Variants in PARPBP observed in about 807,000 individuals in gnomAD.
PARPBP encodes the protein PARP1 binding protein.
A neutral mutation model predicts 50.0 loss-of-function variants in PARPBP; 52 were observed. That is an observed-to-expected ratio of 1.04 (90% CI 0.83 to 1.31). PARPBP has a LOEUF of 1.31. Ranked by LOEUF, PARPBP falls within the 50% of genes most tolerant of loss-of-function variation. PARPBP has a pLI of 0.00. For synonymous variants in PARPBP, 244 were observed against 232.1 expected, an observed-to-expected ratio of 1.05 and a Z score of -0.47; for missense variants, 697 against 672.0, an observed-to-expected ratio of 1.04 and a Z score of -0.41.
chr12:102,191,249 A>G (rs926886557), intron 9 of PARPBP, among the ~76,000 whole-genome samples: 1 of 152,198 alleles, frequency 6.6e-6, no homozygotes, highest in African/African-American at 2.4e-5. Flanking sequence ...AAGGCATGAC[A>G]ATTATGATGT....
intron 6 of PARPBP, among the ~76,000 whole-genome samples, chr12:102,168,122 C>G (rs1888333124): frequency 6.6e-6 from 1 of 152,074 alleles, no homozygotes; most frequent in Admixed American, 6.6e-5. Flanking sequence ...CTGTTGTTTC[C>G]TCTCTCATTC....
chr12:102,155,500 A>G (rs894598044), intron 4 of PARPBP, among the ~76,000 whole-genome samples: 2 of 149,944 alleles, frequency 1.3e-5, no homozygotes, highest in African/African-American at 4.9e-5. Context: ...CTCACACTCA[A>G]CCAATCAGGT....
chr12:102,134,988 T>C (rs988440070), intron 2 of PARPBP, among the ~76,000 whole-genome samples: 24 of 152,180 alleles, frequency 1.6e-4, no homozygotes, highest in African/African-American at 5.5e-4. Flanking sequence ...TCTTTCTTAT[T>C]TGGAATATTT....
rs758548998 is a variant in PARPBP at position 102,197,087 on chromosome 12, C to T, written c.*796C>T. ...ACTCCATTCTCAGCTGGGAAAGCTA[C>T]AGATCCTTTTAGTGCAAGATAAGGT... On this transcript the variant is annotated 3_prime_UTR_variant, in exon 11 of 11. Transcript: ENST00000327680. 1.9e-6 allele frequency: 3 copies of T among 1,612,040 alleles called. No homozygotes were observed. The highest frequency in any genetic ancestry group is 1.1e-5 in the South Asian group (1 of 91,028).
intron 2 of PARPBP, among the ~76,000 whole-genome samples, chr12:102,131,898 C>T (rs1882909585): frequency 6.6e-6 from 1 of 152,024 alleles, no homozygotes; most frequent in Non-Finnish European, 1.5e-5. Flanking sequence ...TGGCTTAATA[C>T]CGGGGTGACA....
chr12:102,121,542 G>GCC (rs1881083115), intron 1 of PARPBP, among the ~76,000 whole-genome samples: 1 of 129,696 alleles, frequency 7.7e-6, no homozygotes, highest in South Asian at 2.5e-4. Context: ...CCATAGTAAT[G>GCC]CTCTTTTTTT....
In PARPBP at chr12:102,189,597, A is replaced by T. The variant is rs186703024; in HGVS notation, c.1264-5715A>T. Among the ~76,000 whole-genome samples, 106 of 152,322 alleles carry T rather than the reference A, an allele frequency of 7.0e-4. No individual in the cohort carries two copies. In the Middle Eastern group the frequency reaches 0.014, roughly 20 times the overall value. On this transcript the variant is annotated intron_variant, in intron 9 of 10. Coordinates refer to ENST00000327680, the MANE Select transcript of PARPBP (RefSeq NM_017915.5). ...GAGACCCATATTAAGTGGAGGAAATAATAAGAGATGAGAATAAATAGGATT... is the reference window on the plus strand; with the variant it reads ...GAGACCCATATTAAGTGGAGGAAATTATAAGAGATGAGAATAAATAGGATT...
At chr12:102,184,927 A>G (rs1890170307) in intron 9 of PARPBP, among the ~76,000 whole-genome samples, 1 of 148,972 alleles carries the variant, frequency 6.7e-6, no homozygotes, top group Admixed American at 6.7e-5. Flanking sequence ...TTTTAGTCAC[A>G]GAAATAATAT....
Position 102,197,167 on chromosome 12 carries a change from GTGT to G in PARPBP, c.*878_*880del. Reference sequence around the variant, plus strand: ...ATTTAAGAAATTATGTTTGGAGCCTGTGTTCTGTAAAGAGAAGGTTGATTTGGT... The same window carrying G: ...ATTTAAGAAATTATGTTTGGAGCCTGTCTGTAAAGAGAAGGTTGATTTGGT... On this transcript the variant is annotated 3_prime_UTR_variant, in exon 11 of 11. Transcript: ENST00000327680. 1 of 1,610,560 alleles carries G rather than the reference GTGT, an allele frequency of 6.2e-7. No homozygotes were observed. Among genetic ancestry groups the G allele is most frequent in the Middle Eastern group, 1.7e-4 (1 of 6,050 alleles).
chr12:102,164,457 A>G lies in PARPBP; in HGVS notation c.515A>G (p.Lys172Arg). Residue 172 changes from lysine (K) to arginine (R), a missense_variant, in exon 5 of 11, where the codon AAA becomes AGA. Lys to Arg is a conservative substitution (Grantham distance 26). Transcript: ENST00000327680. The stretch of plus-strand genomic sequence containing the variant: ...GCACAGGTGCAGCTGCTAGCAAGGA[A>G]AATTATCTTTTCATATTTAAATCTG... ...DNEKVQLLAR[K>R]IIFSYLNLLV... The G allele has an allele frequency of 6.2e-7, 1 of 1,612,534 alleles. No homozygotes were observed. Among genetic ancestry groups the G allele is most frequent in the Non-Finnish European group, 8.5e-7 (1 of 1,178,888 alleles).
At chr12:102,137,660 C>A (rs180760771) in intron 2 of PARPBP, among the ~76,000 whole-genome samples, 2 of 152,048 alleles carry the variant, frequency 1.3e-5, no homozygotes, top group African/African-American at 4.8e-5. Flanking sequence ...CCCGCTCCCC[C>A]CACCCCACGA....
intron 4 of PARPBP, among the ~76,000 whole-genome samples, chr12:102,159,999 A>G (rs1457430215): frequency 2.0e-5 from 3 of 152,234 alleles, no homozygotes; most frequent in African/African-American, 4.8e-5. Context: ...TAAACAGAAC[A>G]GTATCCTTAT....
chr12:102,143,645 A>G (rs1884966630), intron 2 of PARPBP, among the ~76,000 whole-genome samples: 2 of 152,298 alleles, frequency 1.3e-5, no homozygotes, highest in African/African-American at 4.8e-5. Context: ...TTATAGATTC[A>G]TTGAGGACTT....
Position 102,182,592 on chromosome 12 carries a change from C to G in PARPBP, c.1228C>G (p.Arg410Gly), listed in dbSNP as rs747001759. 1 of 1,610,962 alleles carries G rather than the reference C, an allele frequency of 6.2e-7. No homozygotes were observed. Among genetic ancestry groups the G allele is most frequent in the Non-Finnish European group, 8.5e-7 (1 of 1,178,580 alleles). ...TAATTCGATAAAACCCCTAAGAGAA[C>G]GCATCTGTGTGTCAATGCAAGAGAA... ...VNNSIKPLRE[R>G]ICVSMQEKKI... The change falls in exon 9 of 11, where the codon CGC (arginine) becomes GGC (glycine). Residue 410 changes from arginine (R) to glycine (G), a missense_variant. Coordinates refer to ENST00000327680, the MANE Select transcript of PARPBP (RefSeq NM_017915.5).
chr12:102,197,485 T>G lies in PARPBP; in HGVS notation c.*1194T>G. On this transcript the variant is annotated 3_prime_UTR_variant, in exon 11 of 11. Coordinates refer to ENST00000327680, the MANE Select transcript of PARPBP (RefSeq NM_017915.5). ...AGGATTTGTAAGAATCATTTAAATT[T>G]TCATTGAAATAAACGACAAGTCACA... The G allele has an allele frequency of 1.9e-6, 3 of 1,544,892 alleles. No homozygotes were observed. Among genetic ancestry groups the G allele is most frequent in the Non-Finnish European group, 2.6e-6 (3 of 1,146,070 alleles).
intron 3 of PARPBP, among the ~76,000 whole-genome samples, chr12:102,151,171 C>T (rs1229745948): frequency 5.9e-5 from 9 of 152,090 alleles, no homozygotes; most frequent in South Asian, 4.1e-4. Context: ...AACTTGAATA[C>T]GTATAAATGT....
At chr12:102,179,905 G>A (rs529480234) in intron 8 of PARPBP, among the ~76,000 whole-genome samples, 8 of 152,180 alleles carry the variant, frequency 5.3e-5, no homozygotes, top group South Asian at 2.1e-4. Flanking sequence ...CAAAATTATC[G>A]TACCGCTTGA....
intron 4 of PARPBP, among the ~76,000 whole-genome samples, chr12:102,157,388 A>G (rs1219957295): frequency 1.3e-5 from 2 of 151,998 alleles, no homozygotes; most frequent in South Asian, 2.1e-4. Context: ...AAATTTCTCC[A>G]TTTGTCCCCA....
chr12:102,125,539 G>C (rs575762895), intron 2 of PARPBP, among the ~76,000 whole-genome samples: 1 of 152,130 alleles, frequency 6.6e-6, no homozygotes, highest in Admixed American at 6.6e-5. Context: ...GTGGCCCTGA[G>C]GTGGCTCTAT....
Sources: allele counts gnomAD v4.1 joint callset (sites outside exome capture counted in the v4.1 genomes callset), GRCh38; gene constraint gnomAD v4.1.1; transcripts MANE v1.5; gene names NCBI Gene and HGNC (gene_info 2026-07-23, HGNC 2026-07-21).